Variants in GNA11 observed in about 807,000 individuals in gnomAD.
GNA11 encodes guanine nucleotide-binding protein subunit alpha-11.
Under a neutral mutation model 38.2 loss-of-function variants are expected in GNA11, and 8 were observed. The ratio of observed to expected loss-of-function variants is 0.21; its 90% confidence interval spans 0.12 to 0.38. The LOEUF is 0.38. Among genes scored for constraint, GNA11 ranks in the 10% least tolerant of loss-of-function variants. The pLI, the probability that GNA11 is intolerant of heterozygous loss-of-function variation, is 1.00. For missense variants in GNA11, 268 were observed against 516.3 expected (o/e 0.52, Z 4.66); for synonymous variants, 211 against 221.4 (o/e 0.95, Z 0.42).
At chr19:3,102,000 GT>G (rs1247524986) in intron 1 of GNA11, among the ~76,000 whole-genome samples, 1 of 152,188 alleles carries the variant, frequency 6.6e-6, no homozygotes, top group Admixed American at 6.5e-5. Flanking sequence ...GGTGGCTAAG[GT>G]GGGAGGATCA....
At position 3,110,364 on chromosome 19, in the gene GNA11, G is replaced by A. The variant is rs765070403; in HGVS notation, c.321+31G>A. 91 of 1,569,880 alleles carry A rather than the reference G, an allele frequency of 5.8e-5. No individual in the cohort carries two copies. The highest frequency in any genetic ancestry group is 1.5e-4 in the Admixed American group (9 of 59,466). Reference sequence around the variant, plus strand: ...CCCGCGGGCGCCTGGGGAGGGGAGCGCCTGGGCAGCTGTGGGCTTGGTGGT... The same window carrying A: ...CCCGCGGGCGCCTGGGGAGGGGAGCACCTGGGCAGCTGTGGGCTTGGTGGT... On this transcript the variant is annotated intron_variant, in intron 2 of 6. Transcript: ENST00000078429. This position sits in a 1 kb window ranked among gnomAD's most constrained non-coding sequence, Gnocchi z 5.4.
At chr19:3,107,111 C>CT (rs1403721627) in intron 1 of GNA11, among the ~76,000 whole-genome samples, 1 of 152,114 alleles carries the variant, frequency 6.6e-6, no homozygotes, top group African/African-American at 2.4e-5. Flanking sequence ...TGGCGCATGC[C>CT]TGTAGTCCTA....
Position 3,094,625 on chromosome 19 carries a change from G to A in GNA11, c.-27G>A. ...GGGGCCGGGGGGCGGCGGCGGGCAGGCGGCCGCGTCGGCCGGGGCCGGGAC... is the reference window on the plus strand; with the variant it reads ...GGGGCCGGGGGGCGGCGGCGGGCAGACGGCCGCGTCGGCCGGGGCCGGGAC... On this transcript the variant is annotated 5_prime_UTR_variant, in exon 1 of 7. Coordinates refer to ENST00000078429, the MANE Select transcript of GNA11 (RefSeq NM_002067.5). This position sits in a 1 kb window ranked among gnomAD's most constrained non-coding sequence, Gnocchi z 6.0. 1 of 1,167,236 alleles carries A rather than the reference G, an allele frequency of 8.6e-7. No individual in the cohort carries two copies. The highest frequency in any genetic ancestry group is 1.6e-5 in the African/African-American group (1 of 61,622). 72.3% of individuals were successfully genotyped at this position (1,167,236 alleles called of 1,614,324 possible). A position where few individuals can be genotyped will look rare whatever the true frequency, so the allele number is the denominator to read the frequency against.
rs748378708 is a variant in GNA11 at position 3,118,887 on chromosome 19, C to T, written c.606-37C>T. 6.1e-5 allele frequency: 97 copies of T among 1,599,296 alleles called. No individual in the cohort carries two copies. In the Admixed American group the frequency reaches 1.3e-3, roughly 22 times the overall value. ...TGGGATTGCAGATTGGGCCTTGGGG[C>T]GCCAGGTGGCTGAGTCCTGGCGCTG... On this transcript the variant is annotated intron_variant, in intron 4 of 6. Transcript: ENST00000078429.
chr19:3,118,070 T>G (rs903936586), intron 4 of GNA11: 2 of 152,234 alleles, frequency 1.3e-5, no homozygotes, highest in African/African-American at 2.4e-5. Context: ...CGGTGCCTGC[T>G]GGACTCCCCC....
chr19:3,116,497 G>T (rs1167983615), intron 4 of GNA11, among the ~76,000 whole-genome samples: 1 of 151,638 alleles, frequency 6.6e-6, no homozygotes, highest in Admixed American at 6.5e-5. Flanking sequence ...TTGTGGCCGG[G>T]TTGCCTCATC....
intron 1 of GNA11, among the ~76,000 whole-genome samples, chr19:3,100,470 G>T (rs781268773): frequency 6.6e-6 from 1 of 152,328 alleles, no homozygotes; most frequent in East Asian, 1.9e-4. Context: ...GATGCTTGGC[G>T]AGTGACCGTC....
At chr19:3,102,060 C>A (rs1432403175) in intron 1 of GNA11, among the ~76,000 whole-genome samples, 2 of 152,064 alleles carry the variant, frequency 1.3e-5, no homozygotes, top group Admixed American at 6.5e-5. Context: ...TGCACCACTG[C>A]ACTCCAGCCT....
chr19:3,113,653 C>T (rs1470606631), intron 3 of GNA11, among the ~76,000 whole-genome samples, 169 bp downstream of exon 3: 2 of 152,186 alleles, frequency 1.3e-5, no homozygotes, highest in Non-Finnish European at 2.9e-5. Context: ...AGAGCAGATC[C>T]CTGGAGGGGC....
intron 1 of GNA11, among the ~76,000 whole-genome samples, chr19:3,100,494 A>G (rs901808370): frequency 6.6e-6 from 1 of 152,196 alleles, no homozygotes; most frequent in Admixed American, 6.5e-5. Context: ...GGCTGACTGA[A>G]GGCAGATCAC....
chr19:3,107,793 G>A (rs775432967), intron 1 of GNA11, among the ~76,000 whole-genome samples: 12 of 152,216 alleles, frequency 7.9e-5, no homozygotes, highest in African/African-American at 2.2e-4. Context: ...GTTCAGCACC[G>A]GTCAGTAGAG....
chr19:3,122,803 C>T lies in GNA11; in HGVS notation c.*1624C>T. 4.3e-6 allele frequency: 1 copy of T among 233,856 alleles called. No individual in the cohort carries two copies. Among genetic ancestry groups the T allele is most frequent in the Non-Finnish European group, 8.4e-6 (1 of 118,498 alleles). The allele number at this position is 233,856 out of a possible 1,614,324, so 14.5% of individuals were successfully genotyped here. A position where few individuals can be genotyped will look rare whatever the true frequency, so the allele number is the denominator to read the frequency against. On this transcript the variant is annotated 3_prime_UTR_variant, in exon 7 of 7. Transcript: ENST00000078429. This position sits in a 1 kb window ranked among gnomAD's most constrained non-coding sequence, Gnocchi z 7.7. ...CCTGCCCGCCACTGTCAGGCCTGCC[C>T]TGGCCTCCTCGTCCGCAGGGCTGTC...
At position 3,121,002 on chromosome 19, in the gene GNA11, C is replaced by G; in HGVS notation, c.903C>G (p.Asp301Glu). 1.2e-6 allele frequency: 2 copies of G among 1,612,902 alleles called. No individual in the cohort carries two copies. Among genetic ancestry groups the G allele is most frequent in the South Asian group, 1.1e-5 (1 of 91,058 alleles). ...GCCCTCCCCCAGGTCCCCAGCGGGA[C>G]GCCCAGGCGGCGCGGGAGTTCATCC... ...YFPEFDGPQR[D>E]AQAAREFILK... Residue 301 changes from aspartate (D) to glutamate (E), a missense_variant, in exon 7 of 7, where the codon GAC (aspartate) becomes GAG (glutamate). Transcript: ENST00000078429.
At chr19:3,102,842 A>G (rs903099268) in intron 1 of GNA11, among the ~76,000 whole-genome samples, 1 of 152,222 alleles carries the variant, frequency 6.6e-6, no homozygotes, top group Non-Finnish European at 1.5e-5. Context: ...GGTCAGGGTT[A>G]GATTTCCTGG....
chr19:3,119,505 AGGGAAGGGAGATCTCG>A lies in GNA11; in HGVS notation c.889+147_889+162del. The A allele has an allele frequency of 6.4e-6, 4 of 627,592 alleles. No individual in the cohort carries two copies. Among genetic ancestry groups the A allele is most frequent in the Non-Finnish European group, 7.9e-6 (3 of 379,920 alleles). 38.9% of individuals were successfully genotyped at this position (627,592 alleles called of 1,614,324 possible). On this transcript the variant is annotated intron_variant, in intron 6 of 6. Transcript: ENST00000078429. The surrounding 1 kb of genome is among the most constrained non-coding windows in gnomAD (Gnocchi z 4.6). ...GTGTCATGTATGGGAGTGGAGTCTC[AGGGAAGGGAGATCTCG>A]TATGAGGGGGGCCTGTACGGGAATG...
Position 3,122,006 on chromosome 19 carries a change from C to G in GNA11, c.*827C>G. ...CTGGGCTGTGCCTCCGGGGCCAACA[C>G]TGGCTGCTTGGGGCTGCCCGGGGAC... On this transcript the variant is annotated 3_prime_UTR_variant, in exon 7 of 7. Coordinates refer to ENST00000078429, the MANE Select transcript of GNA11 (RefSeq NM_002067.5). The surrounding 1 kb of genome is among the most constrained non-coding windows in gnomAD (Gnocchi z 7.7). 2 of 233,388 alleles carry G rather than the reference C, an allele frequency of 8.6e-6. No individual in the cohort carries two copies. The highest frequency in any genetic ancestry group is 1.2e-4 in the East Asian group (2 of 16,530). 14.5% of individuals were successfully genotyped at this position (233,388 alleles called of 1,614,324 possible). A position where few individuals can be genotyped will look rare whatever the true frequency, so the allele number is the denominator to read the frequency against.
rs975689759 is a variant in GNA11 at position 3,122,736 on chromosome 19, C to G, written c.*1557C>G. 1.5e-4 allele frequency: 34 copies of G among 233,522 alleles called. No homozygotes were observed. Among genetic ancestry groups the G allele is most frequent in the Non-Finnish European group, 2.6e-4 (31 of 118,366 alleles). 14.5% of individuals were successfully genotyped at this position (233,522 alleles called of 1,614,324 possible). A position where few individuals can be genotyped will look rare whatever the true frequency, so the allele number is the denominator to read the frequency against. On this transcript the variant is annotated 3_prime_UTR_variant, in exon 7 of 7. Transcript: ENST00000078429. The surrounding 1 kb of genome is among the most constrained non-coding windows in gnomAD (Gnocchi z 7.7). ...TGGCCTCGACAGATGACAAAAGAAA[C>G]AGCCCCAAAATACGACCACTCCAAC...
At chr19:3,112,825 G>A (rs1007403447) in intron 2 of GNA11, among the ~76,000 whole-genome samples, 17 of 152,242 alleles carry the variant, frequency 1.1e-4, no homozygotes, top group African/African-American at 2.9e-4. Context: ...GGCAGAAACC[G>A]AGTCTGGAGC....
At chr19:3,097,277 G>A (rs1272581887) in intron 1 of GNA11, among the ~76,000 whole-genome samples, 2 of 152,112 alleles carry the variant, frequency 1.3e-5, no homozygotes, top group Admixed American at 6.5e-5. Flanking sequence ...CTGGCACTCC[G>A]CAGGAGGCCC....
Sources: gnomAD v4.1 joint callset for allele counts (sites outside exome capture counted in the v4.1 genomes callset) on GRCh38, gnomAD v4.1.1 for gene constraint, Gnocchi (gnomAD v3.1) non-coding constraint, MANE v1.5 for transcripts, NCBI Gene and HGNC (gene_info 2026-07-23, HGNC 2026-07-21) for gene names.